The following SPATS2 variants were observed in gnomAD, a reference collection of about 807,000 sequenced individuals.
SPATS2 encodes spermatogenesis-associated serine-rich protein 2.
A neutral mutation model predicts 63.7 loss-of-function variants in SPATS2; 38 were observed. That is an observed-to-expected ratio of 0.60 (90% confidence interval 0.46 to 0.78). The LOEUF is 0.78. SPATS2 is among the 30% of genes least tolerant of loss of function. SPATS2 has a pLI of 0.00. For synonymous variants in SPATS2, 207 were observed against 232.9 expected, an observed-to-expected ratio of 0.89 and a Z score of 1.01; for missense variants, 588 against 666.2, an observed-to-expected ratio of 0.88 and a Z score of 1.29.
chr12:49,452,915 T>C (rs761811057), intron 2 of SPATS2, among the ~76,000 whole-genome samples: 8 of 151,964 alleles, frequency 5.3e-5, no homozygotes, highest in Non-Finnish European at 1.2e-4. Context: ...CCCAGCACTT[T>C]GGGAGGCCGA....
At chr12:49,501,771 A>G (rs1946571356) in intron 9 of SPATS2, among the ~76,000 whole-genome samples, 1 of 152,010 alleles carries the variant, frequency 6.6e-6, no homozygotes, top group South Asian at 2.1e-4. Flanking sequence ...ATGTGCCACC[A>G]TGCCTGGCTA....
At chr12:49,430,539 C>T (rs927643432) in intron 2 of SPATS2, among the ~76,000 whole-genome samples, 1 of 151,978 alleles carries the variant, frequency 6.6e-6, no homozygotes, top group Non-Finnish European at 1.5e-5. Flanking sequence ...TGCAACCTCT[C>T]ATTTTCTTGT....
At chr12:49,429,786 CTTTT>C (rs113979672) in intron 2 of SPATS2, among the ~76,000 whole-genome samples, 7 of 126,550 alleles carry the variant, frequency 5.5e-5, no homozygotes, top group Admixed American at 1.6e-4. Context: ...TCTTCTTCTT[CTTTT>C]TTTTTTTTTT....
At chr12:49,444,672 C>T (rs865910527) in intron 2 of SPATS2, among the ~76,000 whole-genome samples, 10 of 151,242 alleles carry the variant, frequency 6.6e-5, no homozygotes, top group East Asian at 5.9e-4. Flanking sequence ...GGTGTGATCT[C>T]GGCTCACTGC....
intron 2 of SPATS2, among the ~76,000 whole-genome samples, chr12:49,454,911 C>T (rs1945692306): frequency 6.6e-6 from 1 of 151,410 alleles, no homozygotes; most frequent in East Asian, 1.9e-4. Context: ...GTCCATTCTG[C>T]ACCACCAAGT....
intron 2 of SPATS2, among the ~76,000 whole-genome samples, chr12:49,389,140 G>C (rs1338112718): frequency 6.6e-6 from 1 of 152,112 alleles, no homozygotes; most frequent in Non-Finnish European, 1.5e-5. Flanking sequence ...TTGACTTCCT[G>C]AATAATTCAG....
At chr12:49,409,462 T>C (rs899078154) in intron 2 of SPATS2, among the ~76,000 whole-genome samples, 21 of 149,464 alleles carry the variant, frequency 1.4e-4, no homozygotes, top group East Asian at 1.0e-3. Flanking sequence ...CCCACCACCA[T>C]GCCCGGCTAA....
Position 49,526,187 on chromosome 12 carries a change from C to G in SPATS2, c.1570C>G (p.Pro524Ala), listed in dbSNP as rs745458165. 2 of 1,614,190 alleles carry G rather than the reference C, an allele frequency of 1.2e-6. No individual in the cohort carries two copies. Among genetic ancestry groups the G allele is most frequent in the South Asian group, 1.1e-5 (1 of 91,084 alleles). The change falls in exon 14 of 14, where the codon CCT (proline) becomes GCT (alanine). Residue 524 changes from proline (P) to alanine (A), a missense_variant. Transcript: ENST00000552918. Reference sequence around the variant, plus strand: ...CAGCATGGAGCCCAGCCCTCCCACGCCTTCATTCAAAAAGGGGCTCCCCCA... The same window carrying G: ...CAGCATGGAGCCCAGCCCTCCCACGGCTTCATTCAAAAAGGGGCTCCCCCA... Reference protein sequence around the residue: ...GVSMEPSPPTPSFKKGLPQRK... With the variant: ...GVSMEPSPPTASFKKGLPQRK...
intron 2 of SPATS2, among the ~76,000 whole-genome samples, chr12:49,444,427 C>G (rs552097418): frequency 6.6e-6 from 1 of 151,924 alleles, no homozygotes; most frequent in Admixed American, 6.6e-5. Context: ...CTTTTTTCCC[C>G]AGGGTGGTCT....
intron 2 of SPATS2, among the ~76,000 whole-genome samples, chr12:49,385,368 G>GTC (rs1397375506): frequency 6.7e-6 from 1 of 150,366 alleles, no homozygotes; most frequent in Non-Finnish European, 1.5e-5. Context: ...GTGTGTGTGT[G>GTC]TGTGTGTGTG....
At chr12:49,480,786 TTGTTTTC>T (rs917157689) in intron 3 of SPATS2, among the ~76,000 whole-genome samples, 7 of 150,344 alleles carry the variant, frequency 4.7e-5, no homozygotes, top group African/African-American at 1.7e-4. Context: ...GCCACACTTG[TTGTTTTC>T]TGTTTTTTTT....
chr12:49,427,355 C>T (rs1262818362), intron 2 of SPATS2, among the ~76,000 whole-genome samples: 3 of 152,026 alleles, frequency 2.0e-5, no homozygotes, highest in South Asian at 2.1e-4. Flanking sequence ...AAGATTAATC[C>T]ATATCATTGC....
At position 49,524,707 on chromosome 12, in the gene SPATS2, G is replaced by A. The variant is rs371477342; in HGVS notation, c.1137G>A (p.Ser379=). The stretch of plus-strand genomic sequence containing the variant: ...TGTCTCATCCAAAGAACAGCTATTC[G>A]ACCAGATCCCGATGTAGCTCAGTTA... ...GQVSHPKNSY[S]TRSRCSSVTS... Residue 379 remains serine, a synonymous_variant, in exon 13 of 14, where the codon TCG becomes TCA. Transcript: ENST00000552918. 14 of 1,613,910 alleles carry A rather than the reference G, an allele frequency of 8.7e-6. No individual in the cohort carries two copies. The highest frequency in any genetic ancestry group is 4.0e-5 in the African/African-American group (3 of 74,852).
chr12:49,405,881 A>T (rs78698211), intron 2 of SPATS2, among the ~76,000 whole-genome samples: 14,083 of 152,254 alleles, frequency 0.092, 757 homozygotes, highest in African/African-American at 0.14. Context: ...AATTTTTCAG[A>T]TAATTGACAT....
intron 2 of SPATS2, among the ~76,000 whole-genome samples, chr12:49,413,017 A>C (rs1469894392): frequency 1.3e-5 from 2 of 151,240 alleles, no homozygotes; most frequent in East Asian, 4.0e-4. Context: ...AGGCAGGCTA[A>C]GTTTGAACTT....
chr12:49,476,013 G>A (rs1313603496), intron 3 of SPATS2, among the ~76,000 whole-genome samples: 1 of 152,128 alleles, frequency 6.6e-6, no homozygotes, highest in Non-Finnish European at 1.5e-5. Context: ...CATGGTCCCT[G>A]GCTAGGGCTC....
At position 49,453,020 on chromosome 12, in the gene SPATS2, G is replaced by A. The variant is rs147327790; in HGVS notation, c.-243-7750G>A. On this transcript the variant is annotated intron_variant, in intron 2 of 13. Transcript: ENST00000552918. Reference sequence around the variant, plus strand: ...AAAATACAAAAAAAATTAGCCGGACGTGATGGCGGGCGCCTGTAGTCCCAG... The same window carrying A: ...AAAATACAAAAAAAATTAGCCGGACATGATGGCGGGCGCCTGTAGTCCCAG... Among the ~76,000 whole-genome samples, 1,138 of 152,078 alleles carry A rather than the reference G, an allele frequency of 7.5e-3. 10 individuals carry two copies. Among genetic ancestry groups the A allele is most frequent in the African/African-American group, 0.026 (1,071 of 41,480 alleles).
chr12:49,500,618 A>G (rs1000739730), intron 9 of SPATS2, among the ~76,000 whole-genome samples: 4 of 152,014 alleles, frequency 2.6e-5, no homozygotes, highest in African/African-American at 9.7e-5. Context: ...TAAAAATACA[A>G]AAAATTAGCT....
chr12:49,383,424 T>G (rs979946317), intron 2 of SPATS2, among the ~76,000 whole-genome samples: 7 of 151,946 alleles, frequency 4.6e-5, no homozygotes, highest in African/African-American at 1.4e-4. Flanking sequence ...TTTTATTTAT[T>G]TTTTGAGACA....
Sources: allele counts gnomAD v4.1 joint callset (sites outside exome capture counted in the v4.1 genomes callset), GRCh38; gene constraint gnomAD v4.1.1; transcripts MANE v1.5; gene names NCBI Gene and HGNC (gene_info 2026-07-23, HGNC 2026-07-21).